METTL24: variants seen among roughly 807,000 people sequenced by gnomAD.
The protein encoded by METTL24 is methyltransferase like 24, also known as probable methyltransferase-like protein 24.
In METTL24, 29 loss-of-function variants were observed where a neutral mutation model predicts 32.7. That is an observed-to-expected ratio of 0.89 (90% CI 0.66 to 1.21). The LOEUF is 1.21. METTL24 is among the 50% of genes most tolerant of loss of function. METTL24 has a pLI of 0.00. For synonymous variants in METTL24, 163 were observed against 179.5 expected (o/e 0.91, Z 0.73); for missense variants, 439 against 468.1 (o/e 0.94, Z 0.57).
intron 1 of METTL24, 87 bp downstream of exon 1, chr6:110,357,868 C>A: frequency 1.4e-6 from 1 of 710,630 alleles, no homozygotes; most frequent in African/African-American, 1.9e-5. Flanking sequence ...ATCGAGGCGG[C>A]CTGCGGGACC....
At chr6:110,312,775 G>A (rs1216074221) in intron 3 of METTL24, among the ~76,000 whole-genome samples, 1 of 152,178 alleles carries the variant, frequency 6.6e-6, no homozygotes, top group Non-Finnish European at 1.5e-5. Flanking sequence ...ACCGGTGCAG[G>A]GGTGTCCAGG....
chr6:110,272,219 ATAGT>A (rs763169813), intron 4 of METTL24, among the ~76,000 whole-genome samples: 1 of 151,890 alleles, frequency 6.6e-6, no homozygotes, highest in Non-Finnish European at 1.5e-5. Context: ...AGAACATGAG[ATAGT>A]TAGTTTTCCA....
intron 4 of METTL24, among the ~76,000 whole-genome samples, chr6:110,251,163 G>A (rs1778271160): frequency 6.6e-6 from 1 of 152,208 alleles, no homozygotes; most frequent in Non-Finnish European, 1.5e-5. Context: ...CTTGAGAGGA[G>A]GAGTGGCATA....
chr6:110,254,110 T>C, intron 4 of METTL24: 2 of 503,624 alleles, frequency 4.0e-6, no homozygotes, highest in Non-Finnish European at 6.4e-6. Context: ...ACAGCTTTTG[T>C]AATGATTTAA....
intron 3 of METTL24, among the ~76,000 whole-genome samples, chr6:110,300,747 C>T (rs114535543): frequency 0.034 from 5,153 of 152,010 alleles, 195 homozygotes; most frequent in East Asian, 0.12. Context: ...AGGCAGCCCT[C>T]TGTATCCACA....
intron 4 of METTL24, among the ~76,000 whole-genome samples, chr6:110,287,530 CTGGG>C (rs1436307472): frequency 6.6e-6 from 1 of 152,150 alleles, no homozygotes; most frequent in Non-Finnish European, 1.5e-5. Flanking sequence ...AGAAATTGCC[CTGGG>C]ACCTGAAAGA....
In METTL24 at chr6:110,245,129, T is replaced by A. The variant is rs118125021; in HGVS notation, c.*817A>T. ...GTGTATCTGTAAGGATATTTCCAGA[T>A]GAAATTAATATTTAAATCAGTAGAC... On this transcript the variant is annotated 3_prime_UTR_variant, in exon 5 of 5. Transcript: ENST00000338882. Among the ~76,000 whole-genome samples the A allele has an allele frequency of 9.2e-5, 14 of 152,332 alleles. No individual in the cohort carries two copies. The East Asian group carries it at 2.5e-3, about 27-fold the overall frequency.
At chr6:110,355,580 C>G (rs13205881) in intron 1 of METTL24, among the ~76,000 whole-genome samples, 36,619 of 152,068 alleles carry the variant, frequency 0.24, 4,860 homozygotes, top group African/African-American at 0.34. Flanking sequence ...CTCAGTTTTA[C>G]TGCCATTTGT....
chr6:110,291,760 A>G (rs183384704), intron 4 of METTL24, among the ~76,000 whole-genome samples: 1 of 152,224 alleles, frequency 6.6e-6, no homozygotes, highest in African/African-American at 2.4e-5. Context: ...TGTTCTCAGC[A>G]TTTAGCTCCC....
chr6:110,326,257 G>A (rs1582427602), intron 1 of METTL24, among the ~76,000 whole-genome samples: 1 of 152,144 alleles, frequency 6.6e-6, no homozygotes, highest in African/African-American at 2.4e-5. Context: ...GGCCTTGCTG[G>A]GGTTCCCCGC....
intron 4 of METTL24, among the ~76,000 whole-genome samples, chr6:110,293,219 G>A (rs757436822): frequency 1.3e-5 from 2 of 151,964 alleles, no homozygotes; most frequent in African/African-American, 4.8e-5. Context: ...CATTTACATC[G>A]AAGCATGTAC....
chr6:110,270,398 T>C (rs892307402), intron 4 of METTL24, among the ~76,000 whole-genome samples: 32 of 152,018 alleles, frequency 2.1e-4, no homozygotes, highest in African/African-American at 7.3e-4. Context: ...TTTTTTTCAA[T>C]GGAAACAAAG....
intron 3 of METTL24, among the ~76,000 whole-genome samples, chr6:110,304,024 A>T (rs1307328608): frequency 1.3e-5 from 2 of 152,202 alleles, no homozygotes. Context: ...CCAGGCAAAC[A>T]GGGTCTGGAG....
intron 4 of METTL24, among the ~76,000 whole-genome samples, chr6:110,262,156 C>CA (rs1267862554): frequency 2.0e-5 from 3 of 151,986 alleles, no homozygotes; most frequent in Non-Finnish European, 2.9e-5. Context: ...AAAAACCCTT[C>CA]AAAAAATCAA....
intron 4 of METTL24, among the ~76,000 whole-genome samples, chr6:110,274,956 A>G (rs1771022679): frequency 1.3e-5 from 2 of 150,076 alleles, no homozygotes; most frequent in Non-Finnish European, 3.0e-5. Flanking sequence ...ACATCACCAC[A>G]CCCAACTAAT....
chr6:110,263,133 G>A (rs1002385167), intron 4 of METTL24, among the ~76,000 whole-genome samples: 8 of 152,178 alleles, frequency 5.3e-5, no homozygotes, highest in African/African-American at 1.9e-4. Flanking sequence ...AATCAGGCAG[G>A]AGAAGGAAAT....
At chr6:110,265,906 C>CCTCCTCCTCCTCCTCT (rs1445480638) in intron 4 of METTL24, among the ~76,000 whole-genome samples, 1 of 151,524 alleles carries the variant, frequency 6.6e-6, no homozygotes, top group Non-Finnish European at 1.5e-5. Context: ...CCTCCTCTTT[C>CCTCCTCCTCCTCCTCT]TTCTTCTTCT....
intron 1 of METTL24, among the ~76,000 whole-genome samples, chr6:110,348,354 C>G (rs973342851): frequency 6.6e-6 from 1 of 152,224 alleles, no homozygotes; most frequent in East Asian, 1.9e-4. Context: ...GATGAAGCTG[C>G]ACCATACTGA....
chr6:110,351,629 C>T (rs1772605308), intron 1 of METTL24, among the ~76,000 whole-genome samples: 2 of 152,220 alleles, frequency 1.3e-5, no homozygotes, highest in Admixed American at 6.5e-5. Context: ...ATACTTAAGG[C>T]ATGCCAAGGA....
Sources: allele counts gnomAD v4.1 joint callset (sites outside exome capture counted in the v4.1 genomes callset), GRCh38; gene constraint gnomAD v4.1.1; transcripts MANE v1.5; gene names NCBI Gene and HGNC (gene_info 2026-07-23, HGNC 2026-07-21).